Variants in ANK2 observed in about 807,000 individuals in gnomAD.
ANK2 encodes ankyrin 2, also known as ankyrin-2.
A neutral mutation model predicts 360.5 loss-of-function variants in ANK2; 83 were observed. The observed-to-expected ratio is 0.23, with a 90% CI of 0.19 to 0.28. The LOEUF (loss-of-function observed/expected upper bound fraction) is 0.28, where lower values mean the gene tolerates loss of function less well. Among genes scored for constraint, ANK2 ranks in the 10% least tolerant of loss-of-function variants. ANK2 has a pLI of 1.00. For synonymous variants in ANK2, 1,740 were observed against 1,759.5 expected, an observed-to-expected ratio of 0.99 and a Z score of 0.28; for missense variants, 4,201 against 4,795.7, an observed-to-expected ratio of 0.88 and a Z score of 3.66.
intron 31 of ANK2, among the ~76,000 whole-genome samples, chr4:113,338,211 A>T (rs919480607): frequency 2.6e-5 from 4 of 152,182 alleles, no homozygotes; most frequent in Non-Finnish European, 5.9e-5. Flanking sequence ...CTTCTTTAAG[A>T]AACTTTAGAG....
the ANK2 span, among the ~76,000 whole-genome samples, chr4:112,720,524 C>G: frequency 1.3e-5 from 2 of 152,170 alleles, no homozygotes; most frequent in African/African-American, 4.8e-5. Flanking sequence ...TTTACAAACT[C>G]TCTTGTATAC....
At chr4:113,150,853 A>G (rs1474379911) in intron 1 of ANK2, among the ~76,000 whole-genome samples, 1 of 152,232 alleles carries the variant, frequency 6.6e-6, no homozygotes, top group African/African-American at 2.4e-5. Context: ...AGAGATTCAT[A>G]AGTCAAGATT....
At chr4:112,886,330 G>C (rs909325809) in intron 1 of ANK2, among the ~76,000 whole-genome samples, 1 of 152,036 alleles carries the variant, frequency 6.6e-6, no homozygotes, top group Non-Finnish European at 1.5e-5. Context: ...CACCAAAAAG[G>C]CCGCACTCCA....
chr4:112,731,135 G>A, the ANK2 span, among the ~76,000 whole-genome samples: 2 of 147,922 alleles, frequency 1.4e-5, no homozygotes, highest in African/African-American at 2.6e-5. Context: ...GCAAGACTCT[G>A]TCTAAAAAAA....
At chr4:112,766,747 G>A in the ANK2 span, among the ~76,000 whole-genome samples, 12 of 152,162 alleles carry the variant, frequency 7.9e-5, no homozygotes, top group African/African-American at 4.8e-5. Context: ...ACATCTGTGC[G>A]TCTCTAAACC....
chr4:113,376,411 A>G (rs2096935527), intron 45 of ANK2, among the ~76,000 whole-genome samples: 1 of 152,234 alleles, frequency 6.6e-6, no homozygotes, highest in South Asian at 2.1e-4. Context: ...CCTGTATAGC[A>G]TACTTACCAT....
At chr4:113,138,407 G>A (rs1212059446) in intron 1 of ANK2, among the ~76,000 whole-genome samples, 1 of 152,174 alleles carries the variant, frequency 6.6e-6, no homozygotes, top group Admixed American at 6.5e-5. Context: ...AGTTGATTCT[G>A]TGTTTCAACA....
chr4:113,165,637 G>T (rs1361818946), intron 1 of ANK2, among the ~76,000 whole-genome samples: 1 of 152,032 alleles, frequency 6.6e-6, no homozygotes. Context: ...AAAAATGAGG[G>T]AATCATATTC....
At chr4:113,084,481 T>A (rs1008019646) in intron 1 of ANK2, among the ~76,000 whole-genome samples, 1 of 152,182 alleles carries the variant, frequency 6.6e-6, no homozygotes, top group Non-Finnish European at 1.5e-5. Flanking sequence ...TTGAATACAT[T>A]TAGGACTTTG....
intron 18 of ANK2, 44 bp downstream of exon 18, chr4:113,282,916 A>G (rs1443673999): frequency 1.3e-6 from 2 of 1,599,890 alleles, no homozygotes; most frequent in African/African-American, 1.3e-5. Flanking sequence ...TTTTGGATGC[A>G]TGTAAACAGG....
intron 1 of ANK2, among the ~76,000 whole-genome samples, chr4:113,107,117 A>C (rs961207235): frequency 2.0e-5 from 3 of 152,186 alleles, no homozygotes; most frequent in Admixed American, 2.0e-4. Flanking sequence ...AACAAAAATG[A>C]CTATAAATAG....
rs2061734862 is a variant in ANK2 at position 113,280,166 on chromosome 4, C to A, written c.1881+1608C>A. 2.0e-5 allele frequency among the ~76,000 whole-genome samples: 3 copies of A among 152,036 alleles called. No individual in the cohort carries two copies. In the South Asian group the frequency reaches 6.2e-4, roughly 32 times the overall value. On this transcript the variant is annotated intron_variant, in intron 17 of 45. Coordinates refer to ENST00000357077, the MANE Select transcript of ANK2 (RefSeq NM_001148.6). ...CATGAGTACTTTCGTTGAACTCTTA[C>A]AATGTGCAAAGAAAGGATTATAGGT...
chr4:113,270,237 C>T (rs978426311), intron 14 of ANK2, among the ~76,000 whole-genome samples: 1 of 152,084 alleles, frequency 6.6e-6, no homozygotes, highest in Non-Finnish European at 1.5e-5. Context: ...AGTAAAACCC[C>T]TTAATGTTTA....
chr4:113,309,725 A>G lies in ANK2; in HGVS notation c.2549-1530A>G, dbSNP rs149803262. Among the ~76,000 whole-genome samples, 1,194 of 152,044 alleles carry G rather than the reference A, an allele frequency of 7.9e-3. 6 individuals carry two copies. Among genetic ancestry groups the G allele is most frequent in the African/African-American group, 0.024 (988 of 41,476 alleles). ...TTAGTAGAGATGAGGTCTAGGTGTTACTCAGGCTGGTTTCAAACTTCTGAG... is the reference window on the plus strand; with the variant it reads ...TTAGTAGAGATGAGGTCTAGGTGTTGCTCAGGCTGGTTTCAAACTTCTGAG... On this transcript the variant is annotated intron_variant, in intron 23 of 45. Coordinates refer to ENST00000357077, the MANE Select transcript of ANK2 (RefSeq NM_001148.6).
At position 113,356,762 on chromosome 4, in the gene ANK2, C is replaced by G; in HGVS notation, c.8144C>G (p.Ser2715Cys). The G allele has an allele frequency of 3.7e-6, 6 of 1,614,108 alleles. No homozygotes were observed. Among genetic ancestry groups the G allele is most frequent in the Non-Finnish European group, 5.1e-6 (6 of 1,179,988 alleles). Reference sequence around the variant, plus strand: ...GAAGTACAATTCCAGCCTGTCGTTTCCAAACAATATACTTTCAAGATGAAT... The same window carrying G: ...GAAGTACAATTCCAGCCTGTCGTTTGCAAACAATATACTTTCAAGATGAAT... ...PEEVQFQPVV[S>C]KQYTFKMNED... Residue 2715 changes from serine to cysteine, a missense_variant, in exon 38 of 46, where the codon TCC (serine) becomes TGC (cysteine). Physicochemically the swap from Ser to Cys is moderately radical, Grantham distance 112 (BLOSUM62 -1). Around this residue, in one of 4 missense-constraint regions of ANK2, gnomAD observed 2,642 missense variants for 2,714.5 expected, o/e 0.97. Coordinates refer to ENST00000357077, the MANE Select transcript of ANK2 (RefSeq NM_001148.6).
chr4:113,300,730 A>G (rs1329970059), intron 22 of ANK2, among the ~76,000 whole-genome samples: 1 of 152,236 alleles, frequency 6.6e-6, no homozygotes, highest in Non-Finnish European at 1.5e-5. Context: ...ACTCAGAGGC[A>G]TGAGAGAACA....
intron 23 of ANK2, 61 bp from the exon 24 acceptor site, chr4:113,311,194 T>C: frequency 1.2e-6 from 2 of 1,602,596 alleles, no homozygotes; most frequent in South Asian, 1.1e-5. Flanking sequence ...ATCATGACCA[T>C]ATGTTGTAGT....
intron 1 of ANK2, among the ~76,000 whole-genome samples, chr4:113,056,793 A>G (rs959755621): frequency 1.3e-5 from 2 of 152,196 alleles, no homozygotes; most frequent in African/African-American, 4.8e-5. Flanking sequence ...TATGTTCTAG[A>G]TAATAATATA....
chr4:112,791,133 A>G, the ANK2 span, among the ~76,000 whole-genome samples: 1 of 152,228 alleles, frequency 6.6e-6, no homozygotes, highest in South Asian at 2.1e-4. Flanking sequence ...CAGGAAGTAG[A>G]TATCTCCTTA....
Sources: gnomAD v4.1 joint callset for allele counts (sites outside exome capture counted in the v4.1 genomes callset) on GRCh38, gnomAD v4.1.1 for gene constraint, gnomAD v4.1.1 regional missense constraint, MANE v1.5 for transcripts, NCBI Gene and HGNC (gene_info 2026-07-23, HGNC 2026-07-21) for gene names.